Variants in PRKN observed in about 807,000 individuals in gnomAD.
PRKN encodes parkin RBR E3 ubiquitin protein ligase.
A neutral mutation model predicts 59.5 loss-of-function variants in PRKN; 56 were observed. The ratio of observed to expected loss-of-function variants is 0.94; its 90% CI spans 0.76 to 1.18. The LOEUF (loss-of-function observed/expected upper bound fraction) is 1.18. Among genes scored for constraint, PRKN ranks in the 50% most tolerant of loss-of-function variants. PRKN has a pLI of 0.00. For missense variants in PRKN, 657 were observed against 596.4 expected, an observed-to-expected ratio of 1.10 and a Z score of -1.06; for synonymous variants, 250 against 222.1, an observed-to-expected ratio of 1.13 and a Z score of -1.12.
intron 9 of PRKN, among the ~76,000 whole-genome samples, chr6:161,420,255 A>C (rs901266871): frequency 6.6e-6 from 1 of 151,932 alleles, no homozygotes; most frequent in African/African-American, 2.4e-5. Flanking sequence ...AAAAAAAAAA[A>C]AGAACTTGAT....
chr6:161,436,467 G>C (rs982789593), intron 9 of PRKN, among the ~76,000 whole-genome samples: 1 of 151,738 alleles, frequency 6.6e-6, no homozygotes, highest in Admixed American at 6.6e-5. Context: ...TTTTGGGGGG[G>C]GGTGGGCGGA....
chr6:161,931,761 A>T (rs1417488835), intron 6 of PRKN, among the ~76,000 whole-genome samples: 1 of 152,242 alleles, frequency 6.6e-6, no homozygotes, highest in African/African-American at 2.4e-5. Context: ...ATTGATGATG[A>T]AGACTACTTA....
chr6:161,583,019 CACAT>C (rs59053101), intron 7 of PRKN, among the ~76,000 whole-genome samples: 23,209 of 114,388 alleles, frequency 0.2, 2,203 homozygotes, highest in South Asian at 0.24. Flanking sequence ...CACACACACA[CACAT>C]ACACATTTTG....
intron 4 of PRKN, among the ~76,000 whole-genome samples, chr6:162,181,765 G>C (rs12208027): frequency 0.34 from 52,392 of 152,006 alleles, 9,205 homozygotes; most frequent in Middle Eastern, 0.49. Context: ...TTCCATCATT[G>C]CTTGTCAGCT....
chr6:162,186,945 T>C (rs1287505569), intron 4 of PRKN, among the ~76,000 whole-genome samples: 2 of 152,174 alleles, frequency 1.3e-5, no homozygotes, highest in African/African-American at 2.4e-5. Context: ...TTCTTTACAG[T>C]AAGGCAAGAA....
At chr6:162,595,171 CT>C (rs1226153513) in intron 1 of PRKN, among the ~76,000 whole-genome samples, 2 of 152,044 alleles carry the variant, frequency 1.3e-5, no homozygotes, top group African/African-American at 4.8e-5. Context: ...GAGATTCTGT[CT>C]CAAAAAAGAA....
chr6:162,585,688 CATT>C (rs146720556), intron 1 of PRKN, among the ~76,000 whole-genome samples: 15,509 of 151,684 alleles, frequency 0.1, 930 homozygotes, highest in Middle Eastern at 0.19. Flanking sequence ...CATAGACTTA[CATT>C]ATTATTATTA....
intron 7 of PRKN, among the ~76,000 whole-genome samples, chr6:161,745,309 G>T (rs1241394070): frequency 6.6e-6 from 1 of 152,196 alleles, no homozygotes; most frequent in Non-Finnish European, 1.5e-5. Context: ...CCTGGAGGTG[G>T]TGGCCTTGCC....
rs192209434 is a variant in PRKN at position 161,925,426 on chromosome 6, C to T, written c.734+47876G>A. On this transcript the variant is annotated intron_variant, in intron 6 of 11. Coordinates refer to ENST00000366898, the MANE Select transcript of PRKN (RefSeq NM_004562.3). ...CTCTACTAAAAATACAAAAGATTAGCCGGGTGTGGTGGCGGGCGCCTGTGA... is the reference window on the plus strand; with the variant it reads ...CTCTACTAAAAATACAAAAGATTAGTCGGGTGTGGTGGCGGGCGCCTGTGA... Among the ~76,000 whole-genome samples the T allele has an allele frequency of 1.1e-3, 174 of 152,112 alleles. 2 individuals carry two copies. The highest frequency in any genetic ancestry group is 7.8e-4 in the East Asian group (4 of 5,148).
intron 4 of PRKN, among the ~76,000 whole-genome samples, chr6:162,127,327 T>C (rs1781165200): frequency 6.6e-6 from 1 of 152,236 alleles, no homozygotes; most frequent in Admixed American, 6.5e-5. Flanking sequence ...ACTCAACTTT[T>C]GCTTTCCAAA....
chr6:162,439,115 G>A (rs7771809), intron 2 of PRKN, among the ~76,000 whole-genome samples: 85,252 of 151,832 alleles, frequency 0.56, 25,139 homozygotes, highest in African/African-American at 0.74. Context: ...TTTCAAACAA[G>A]AGGCTCTCCA....
intron 3 of PRKN, among the ~76,000 whole-genome samples, chr6:162,202,758 A>C (rs1242556151): frequency 6.6e-6 from 1 of 152,232 alleles, no homozygotes; most frequent in African/African-American, 2.4e-5. Flanking sequence ...TGTAATATGT[A>C]AGTAAATGTT....
rs62429128 is a variant in PRKN at position 162,680,500 on chromosome 6, C to T, written c.7+47162G>A. Among the ~76,000 whole-genome samples, 3 of 151,958 alleles carry T rather than the reference C, an allele frequency of 2.0e-5. No individual in the cohort carries two copies. The South Asian group carries it at 6.2e-4, about 31-fold the overall frequency. On this transcript the variant is annotated intron_variant, in intron 1 of 11. Coordinates refer to ENST00000366898, the MANE Select transcript of PRKN (RefSeq NM_004562.3). ...TTAATTCCCACTGCAATTTTAACCCCACAGATGAGCCTTGATAAAGTAATG... is the reference window on the plus strand; with the variant it reads ...TTAATTCCCACTGCAATTTTAACCCTACAGATGAGCCTTGATAAAGTAATG...
chr6:161,795,797 G>A (rs966344544), intron 6 of PRKN, among the ~76,000 whole-genome samples: 4 of 152,004 alleles, frequency 2.6e-5, no homozygotes, highest in Middle Eastern at 3.4e-3. Context: ...AACTAAGGCC[G>A]AAAAAGCAAA....
intron 9 of PRKN, among the ~76,000 whole-genome samples, chr6:161,535,307 A>C (rs1156240204): frequency 6.6e-6 from 1 of 152,220 alleles, no homozygotes; most frequent in African/African-American, 2.4e-5. Flanking sequence ...AAAGTGAAAA[A>C]TATATATTGT....
In PRKN at chr6:161,366,554, A is replaced by G. The variant is rs569096862; in HGVS notation, c.1168-6349T>C. ...GAAGGACTCCGTACTTCTGTATTTG[A>G]GTCCTTGTGGTCGAACTTAGCCAAG... On this transcript the variant is annotated intron_variant, in intron 10 of 11. Coordinates refer to ENST00000366898, the MANE Select transcript of PRKN (RefSeq NM_004562.3). Among the ~76,000 whole-genome samples the G allele has an allele frequency of 6.6e-5, 10 of 152,364 alleles. No homozygotes were observed. In the South Asian group the frequency reaches 2.1e-3, roughly 32 times the overall value.
chr6:161,877,465 T>A (rs1794774170), intron 6 of PRKN, among the ~76,000 whole-genome samples: 1 of 151,336 alleles, frequency 6.6e-6, no homozygotes, highest in Non-Finnish European at 1.5e-5. Flanking sequence ...ATTTGCATTT[T>A]TTTTTTTTTT....
intron 7 of PRKN, among the ~76,000 whole-genome samples, chr6:161,602,099 G>A (rs2128143695): frequency 9.8e-6 from 1 of 102,228 alleles, no homozygotes; most frequent in East Asian, 2.3e-4. Flanking sequence ...TATATTTAGG[G>A]GAGATTATCT....
intron 6 of PRKN, among the ~76,000 whole-genome samples, chr6:161,904,459 G>A (rs570879035): frequency 4.6e-4 from 70 of 151,920 alleles, no homozygotes; most frequent in African/African-American, 1.3e-3. Flanking sequence ...GGGACCACAG[G>A]CGCCTGCCAC....
Sources: gnomAD v4.1 joint callset for allele counts (sites outside exome capture counted in the v4.1 genomes callset) on GRCh38, gnomAD v4.1.1 for gene constraint, MANE v1.5 for transcripts, NCBI Gene and HGNC (gene_info 2026-07-23, HGNC 2026-07-21) for gene names.